Variants in PLAAT1 observed in about 807,000 individuals in gnomAD.
PLAAT1 encodes phospholipase A and acyltransferase 1.
PLAAT1 carries 13 observed loss-of-function variants against 16.4 expected under a neutral mutation model. The observed-to-expected ratio is 0.79, with a 90% CI of 0.52 to 1.26. The LOEUF is 1.26. Ranked by LOEUF, PLAAT1 falls within the 50% of genes most tolerant of loss-of-function variation. PLAAT1 has a pLI of 0.00. For missense variants in PLAAT1, 218 were observed against 207.8 expected, an observed-to-expected ratio of 1.05 and a Z score of -0.30; for synonymous variants, 73 against 78.4, an observed-to-expected ratio of 0.93 and a Z score of 0.36.
At chr3:193,255,090 T>C (rs989127819) in intron 1 of PLAAT1, among the ~76,000 whole-genome samples, 12 of 152,210 alleles carry the variant, frequency 7.9e-5, no homozygotes, top group Non-Finnish European at 1.6e-4. Context: ...GATTTTACTA[T>C]ACTGCTGTAT....
intron 1 of PLAAT1, among the ~76,000 whole-genome samples, chr3:193,244,954 T>C (rs57253110): frequency 1.3e-5 from 2 of 152,176 alleles, no homozygotes; most frequent in African/African-American, 4.8e-5. Flanking sequence ...TACTACCACA[T>C]TAGACATTCA....
chr3:193,261,363 AT>A (rs1284851877), intron 2 of PLAAT1, among the ~76,000 whole-genome samples: 1 of 151,776 alleles, frequency 6.6e-6, no homozygotes, highest in Non-Finnish European at 1.5e-5. Context: ...GCAAGACTCC[AT>A]AAAAAAAAAA....
downstream of PLAAT1, chr3:193,274,941 GGA>G (rs1717114565): frequency 5.4e-6 from 8 of 1,474,596 alleles, no homozygotes; most frequent in East Asian, 1.8e-4. Flanking sequence ...ATGCTTGAAT[GGA>G]GAGAGGAAAG....
At chr3:193,270,898 T>A, downstream of PLAAT1, 1 of 1,228,934 alleles carries the variant, frequency 8.1e-7, no homozygotes, top group Non-Finnish European at 1.0e-6. Flanking sequence ...AGCATAGATG[T>A]ACTGTGGCAG....
intron 1 of PLAAT1, among the ~76,000 whole-genome samples, chr3:193,249,128 T>C (rs1477065910): frequency 1.3e-5 from 2 of 152,142 alleles, no homozygotes; most frequent in Non-Finnish European, 2.9e-5. Flanking sequence ...TTTAGCTCTT[T>C]GACCATATCT....
intron 1 of PLAAT1, among the ~76,000 whole-genome samples, chr3:193,255,314 TA>T (rs1275568420): frequency 6.6e-6 from 1 of 152,208 alleles, no homozygotes; most frequent in Non-Finnish European, 1.5e-5. Context: ...TTGATATTTT[TA>T]AAATCTGTGT....
chr3:193,255,501 C>G, intron 1 of PLAAT1, 150 bp from the exon 2 acceptor site: 1 of 695,746 alleles, frequency 1.4e-6, no homozygotes, highest in Non-Finnish European at 2.2e-6. Flanking sequence ...TGGAATCATT[C>G]AAAGAAAAGG....
At chr3:193,272,777 G>A (rs929013877), downstream of PLAAT1, among the ~76,000 whole-genome samples, 3 of 151,508 alleles carry the variant, frequency 2.0e-5, no homozygotes, top group Admixed American at 6.6e-5. Context: ...GTTCACATTG[G>A]TAGTGTTTGA....
At chr3:193,270,546 G>A in intron 3 of PLAAT1, 58 bp from the exon 4 acceptor site, 4 of 1,522,190 alleles carry the variant, frequency 2.6e-6, no homozygotes, top group Non-Finnish European at 3.6e-6. Context: ...GCTTCATTTA[G>A]GACACAGATG....
chr3:193,245,637 C>T lies in PLAAT1; in HGVS notation c.-1+4104C>T, dbSNP rs148211627. Among the ~76,000 whole-genome samples, 25 of 152,284 alleles carry T rather than the reference C, an allele frequency of 1.6e-4. No individual in the cohort carries two copies. The East Asian group carries it at 3.5e-3, about 21-fold the overall frequency. On this transcript the variant is annotated intron_variant, in intron 1 of 3. Transcript: ENST00000264735. ...CATACTATTTTCCAAAATGGCTAAA[C>T]CAATTTGCATTCCCACCAACGATAT... is the stretch of plus-strand genomic sequence containing the variant.
intron 3 of PLAAT1, among the ~76,000 whole-genome samples, chr3:193,268,732 T>C (rs1716865205): frequency 6.6e-6 from 1 of 152,212 alleles, no homozygotes; most frequent in Non-Finnish European, 1.5e-5. Context: ...ATGATCATGA[T>C]ATCTGGCCTT....
chr3:193,241,511 G>A lies in PLAAT1; in HGVS notation c.-23G>A. The A allele has an allele frequency of 8.1e-7, 1 of 1,231,942 alleles. No homozygotes were observed. The allele number at this position is 1,231,942 out of a possible 1,614,324, so 76.3% of individuals were successfully genotyped here. A position where few individuals can be genotyped will look rare whatever the true frequency, so the allele number is the denominator to read the frequency against. ...ACACAGCTGCCTCCCGGTGCGAGAA[G>A]AAGACCCCGGCTTGAGAGTGAGGTG... is the stretch of plus-strand genomic sequence containing the variant. On this transcript the variant is annotated 5_prime_UTR_variant, in exon 1 of 4. Coordinates refer to ENST00000264735, the MANE Select transcript of PLAAT1 (RefSeq NM_020386.5).
chr3:193,275,325 A>C (rs763207060), downstream of PLAAT1: 32 of 1,609,110 alleles, frequency 2.0e-5, no homozygotes, highest in Middle Eastern at 3.3e-4. Flanking sequence ...ATGGGAAAAC[A>C]ATCAATTTAT....
chr3:193,264,194 T>G, intron 3 of PLAAT1, among the ~76,000 whole-genome samples: 1 of 152,212 alleles, frequency 6.6e-6, no homozygotes. Flanking sequence ...AGTTATACAT[T>G]TCTATCCTAA....
intron 1 of PLAAT1, among the ~76,000 whole-genome samples, chr3:193,254,439 A>G (rs1320731440): frequency 6.6e-6 from 1 of 152,176 alleles, no homozygotes; most frequent in Non-Finnish European, 1.5e-5. Context: ...AATGATGAGG[A>G]ACACCCTGTT....
At chr3:193,261,850 T>C (rs1716594845) in intron 2 of PLAAT1, among the ~76,000 whole-genome samples, 1 of 152,212 alleles carries the variant, frequency 6.6e-6, no homozygotes, top group East Asian at 1.9e-4. Flanking sequence ...ATTAAAAATA[T>C]GTTTAGTAAG....
chr3:193,267,327 C>A (rs951155120), intron 3 of PLAAT1, among the ~76,000 whole-genome samples: 1 of 152,058 alleles, frequency 6.6e-6, no homozygotes, highest in African/African-American at 2.4e-5. Context: ...TAATAATTTT[C>A]CTGCCCTAAA....
downstream of PLAAT1, among the ~76,000 whole-genome samples, chr3:193,278,443 T>A (rs1717325309): frequency 6.6e-6 from 1 of 152,164 alleles, no homozygotes; most frequent in Non-Finnish European, 1.5e-5. Flanking sequence ...TTGTTCATAC[T>A]CCACAGCACA....
At chr3:193,265,098 A>G (rs1170349755) in intron 3 of PLAAT1, among the ~76,000 whole-genome samples, 1 of 152,188 alleles carries the variant, frequency 6.6e-6, no homozygotes, top group Admixed American at 6.5e-5. Context: ...CATTCTGGCA[A>G]TTCCTCTAAA....
Sources: allele counts gnomAD v4.1 joint callset (sites outside exome capture counted in the v4.1 genomes callset), GRCh38; gene constraint gnomAD v4.1.1; transcripts MANE v1.5; gene names NCBI Gene and HGNC (gene_info 2026-07-23, HGNC 2026-07-21).